Variants in ARL17B observed in about 807,000 individuals in gnomAD.
ARL17B encodes the protein ADP-ribosylation factor-like protein 17.
intron 3 of ARL17B, 166 bp downstream of exon 3, chr17:46,352,652 ACT>A (rs1317566753): frequency 1.1e-4 from 22 of 205,222 alleles, no homozygotes; most frequent in African/African-American, 3.4e-4. Context: ...ACAGGGCAAG[ACT>A]CTGTCTCACA....
At chr17:46,278,412 G>T (rs2532326) in intron 4 of ARL17B, among the ~76,000 whole-genome samples, 53,589 of 104,056 alleles carry the variant, frequency 0.52, 10,771 homozygotes, top group East Asian at 0.76. Flanking sequence ...TTTTTTTTTT[G>T]TTGTTGTTTT....
chr17:46,281,579 G>A (rs1376792319), intron 4 of ARL17B, among the ~76,000 whole-genome samples: 1 of 152,142 alleles, frequency 6.6e-6, no homozygotes, highest in Non-Finnish European at 1.5e-5. Context: ...ACAGGTGCAC[G>A]CCACTATGCC....
intron 3 of ARL17B, among the ~76,000 whole-genome samples, chr17:46,317,146 G>T (rs1466346210): frequency 4.8e-5 from 4 of 82,592 alleles, no homozygotes; most frequent in South Asian, 4.9e-4. Context: ...CAGATGGGGT[G>T]GCGGCCGGGC....
At chr17:46,325,811 G>A (rs1265197435) in intron 3 of ARL17B, among the ~76,000 whole-genome samples, 1 of 75,902 alleles carries the variant, frequency 1.3e-5, no homozygotes, top group African/African-American at 3.2e-5. Flanking sequence ...AAAATGTATA[G>A]ACATACACAC....
chr17:46,279,120 AC>A (rs2049682638), intron 4 of ARL17B, among the ~76,000 whole-genome samples: 1 of 151,912 alleles, frequency 6.6e-6, no homozygotes, highest in African/African-American at 2.4e-5. Flanking sequence ...TTACATTATT[AC>A]GACAATGTAA....
At chr17:46,281,905 A>G (rs2049772452) in intron 4 of ARL17B, among the ~76,000 whole-genome samples, 1 of 152,126 alleles carries the variant, frequency 6.6e-6, no homozygotes, top group South Asian at 2.1e-4. Flanking sequence ...CGGCCTCCCA[A>G]AGTGCTGGGA....
chr17:46,285,162 C>T (rs1244515387), intron 4 of ARL17B, among the ~76,000 whole-genome samples: 2 of 152,194 alleles, frequency 1.3e-5, no homozygotes, highest in African/African-American at 2.4e-5. Flanking sequence ...AGCAACCACA[C>T]TGGCCTTCTG....
At chr17:46,340,754 C>G (rs1304608205) in intron 3 of ARL17B, among the ~76,000 whole-genome samples, 11 of 76,308 alleles carry the variant, frequency 1.4e-4, no homozygotes, top group Non-Finnish European at 2.5e-4. Flanking sequence ...GTTGGCCAGG[C>G]TAGTCTTGAA....
At chr17:46,282,673 C>T (rs1318768494) in intron 4 of ARL17B, among the ~76,000 whole-genome samples, 3 of 152,016 alleles carry the variant, frequency 2.0e-5, no homozygotes, top group South Asian at 2.1e-4. Flanking sequence ...TCTCCCCACT[C>T]GGCTTCCCAA....
intron 4 of ARL17B, among the ~76,000 whole-genome samples, chr17:46,277,937 T>C (rs112082260): frequency 0.14 from 21,714 of 151,564 alleles, 1,882 homozygotes; most frequent in Non-Finnish European, 0.22. Context: ...CCACCATGCC[T>C]GGTCTGGGTA....
intron 3 of ARL17B, among the ~76,000 whole-genome samples, chr17:46,323,993 A>G (rs1475963994): frequency 1.9e-5 from 2 of 103,520 alleles, no homozygotes; most frequent in Non-Finnish European, 4.6e-5. Context: ...GCATCTGTGG[A>G]CTTTGGTAAC....
exon 5 of ARL17B, chr17:46,274,968 A>C: frequency 6.4e-6 from 1 of 156,260 alleles, no homozygotes. Context: ...TCTCGGCTCA[A>C]TACAACCTCT....
At position 46,350,999 on chromosome 17, in the gene ARL17B, T is replaced by C. The variant is rs1298653070; in HGVS notation, c.259+1821A>G. ...AAAAGATGTAGAAAGGATACTTTTT[T>C]TTTCTCTTTTTTTTTTTTTTTTGAG... On this transcript the variant is annotated intron_variant, in intron 3 of 3. Transcript: ENST00000450673. Among the ~76,000 whole-genome samples, 7 of 24,556 alleles carry C rather than the reference T, an allele frequency of 2.9e-4. 1 individual carries two copies. Among genetic ancestry groups the C allele is most frequent in the African/African-American group, 4.3e-4 (7 of 16,110 alleles). The allele number at this position is 24,556 out of a possible 152,430, so 16.1% of individuals were successfully genotyped here.
intron 4 of ARL17B, among the ~76,000 whole-genome samples, chr17:46,292,062 T>C (rs1050074790): frequency 7.0e-6 from 1 of 142,346 alleles, no homozygotes; most frequent in Non-Finnish European, 1.5e-5. Flanking sequence ...CCAGGCCCAG[T>C]GGCTCACACC....
chr17:46,290,465 G>A (rs2050036112), intron 4 of ARL17B, among the ~76,000 whole-genome samples: 2 of 152,202 alleles, frequency 1.3e-5, no homozygotes, highest in Non-Finnish European at 2.9e-5. Flanking sequence ...TGAAGCTACA[G>A]TTTTTTGTTT....
chr17:46,358,945 CCA>C (rs1271413390), intron 1 of ARL17B, among the ~76,000 whole-genome samples: 1 of 114,894 alleles, frequency 8.7e-6, no homozygotes, highest in African/African-American at 3.5e-5. Context: ...TAAGCCAGGA[CCA>C]CGCCACTGCA....
At chr17:46,276,356 A>G (rs1278258035) in intron 4 of ARL17B, among the ~76,000 whole-genome samples, 1 of 152,258 alleles carries the variant, frequency 6.6e-6, no homozygotes, top group South Asian at 2.1e-4. Flanking sequence ...GCTAGAATAA[A>G]TTTTTTACCA....
At chr17:46,292,059 C>T (rs1272826882) in intron 4 of ARL17B, among the ~76,000 whole-genome samples, 3 of 143,320 alleles carry the variant, frequency 2.1e-5, no homozygotes, top group East Asian at 2.0e-4. Context: ...AGGCCAGGCC[C>T]AGTGGCTCAC....
chr17:46,285,682 C>T (rs1420418509), intron 4 of ARL17B, among the ~76,000 whole-genome samples: 1 of 152,122 alleles, frequency 6.6e-6, no homozygotes, highest in East Asian at 1.9e-4. Context: ...GTTAGATAAG[C>T]TGAGGTGGTG....
Sources: gnomAD v4.1 joint callset for allele counts (sites outside exome capture counted in the v4.1 genomes callset) on GRCh38, gnomAD v4.1.1 for gene constraint, MANE v1.5 for transcripts, NCBI Gene and HGNC (gene_info 2026-07-23, HGNC 2026-07-21) for gene names.